Variants in KMT2D observed in about 807,000 individuals in gnomAD.
The protein encoded by KMT2D is lysine methyltransferase 2D.
A neutral mutation model predicts 512.7 loss-of-function variants in KMT2D; 55 were observed. That is an observed-to-expected ratio of 0.11 (90% CI 0.09 to 0.13). The LOEUF (loss-of-function observed/expected upper bound fraction) is 0.13. Ranked by LOEUF, KMT2D falls within the 10% of genes least tolerant of loss-of-function variation. The pLI is 1.00. For missense variants in KMT2D, 6,061 were observed against 7,127.9 expected (o/e 0.85, Z 5.39); for synonymous variants, 2,995 against 2,904.0 (o/e 1.03, Z -1.01).
Position 49,032,381 on chromosome 12 carries a change from G to A in KMT2D, c.12324C>T (p.Leu4108=). Residue 4108 remains leucine (L), a synonymous_variant, in exon 40 of 55, where the codon CTC becomes CTT. Transcript: ENST00000301067. The part of the protein sequence containing the change: ...PGQQQQQVSL[L]HTAGGGSHGQ... ...CATGGCTTCCTCCACCTGCTGTGTG[G>A]AGCAGGCTAACTTGCTGCTGCTGTT... The A allele has an allele frequency of 1.2e-6, 2 of 1,610,092 alleles. No homozygotes were observed. Among genetic ancestry groups the A allele is most frequent in the Non-Finnish European group, 1.7e-6 (2 of 1,178,144 alleles).
Position 49,033,033 on chromosome 12 carries a change from G to A in KMT2D, c.11672C>T (p.Ala3891Val). 1.9e-6 allele frequency: 3 copies of A among 1,551,292 alleles called. No homozygotes were observed. In the South Asian group the frequency reaches 3.6e-5, roughly 18 times the overall value. ...MSHSGQPKLS[A>V]QPMGSLQQLQ... ...CTGCTGTAAAGAGCCCATGGGCTGA[G>A]CGCTCAGTTTGGGCTGCCCACTGTG... Residue 3891 changes from alanine (A) to valine (V), a missense_variant, in exon 40 of 55, where the codon GCT becomes GTT. Ala to Val is a moderately conservative substitution (Grantham distance 64). Coordinates refer to ENST00000301067, the MANE Select transcript of KMT2D (RefSeq NM_003482.4).
rs2120536011 is a variant in KMT2D, at chr12:49,040,831, G to C, written c.6939C>G (p.Gly2313=). 1 of 1,613,798 alleles carries C rather than the reference G, an allele frequency of 6.2e-7. No individual in the cohort carries two copies. Among genetic ancestry groups the C allele is most frequent in the Non-Finnish European group, 8.5e-7 (1 of 1,179,754 alleles). The change falls in exon 32 of 55, where the codon GGC becomes GGG. Residue 2313 remains glycine (G), a synonymous_variant. Transcript: ENST00000301067. ...NLGFVDSPSS[G]THLGGLELKT... ...TTAACTCCAGGCCACCCAGGTGGGT[G>C]CCTGAGGAGGGTGAGTCAACAAAGC...
At chr12:49,045,050 G>T in intron 19 of KMT2D, 85 bp from the exon 20 acceptor site, 1 of 1,315,410 alleles carries the variant, frequency 7.6e-7, no homozygotes, top group Non-Finnish European at 1.1e-6. Flanking sequence ...GTCCTTAGCT[G>T]AGACAAAGGC....
chr12:49,034,673 TCCA>T lies in KMT2D; in HGVS notation c.10356-10_10356-8del, dbSNP rs1565781775. ...TAGCAGAGACACTTGCTGTCTGGAG[TCCA>T]CCAAAGCACAGAAGATAAGTGTTGG... On this transcript the variant is annotated splice_polypyrimidine_tract_variant and splice_region_variant and intron_variant, in intron 36 of 54. Transcript: ENST00000301067. 6.2e-7 allele frequency: 1 copy of T among 1,609,964 alleles called. No homozygotes were observed. Among genetic ancestry groups the T allele is most frequent in the Admixed American group, 1.7e-5 (1 of 59,444 alleles).
chr12:49,021,969 A>C, intron 54 of KMT2D, 74 bp downstream of exon 54: 1 of 1,556,252 alleles, frequency 6.4e-7, no homozygotes, highest in Non-Finnish European at 8.9e-7. Context: ...AGGAATCCAC[A>C]TTTAGGGAAT....
At position 49,033,255 on chromosome 12, in the gene KMT2D, G is replaced by A; in HGVS notation, c.11450C>T (p.Ala3817Val). Residue 3817 changes from alanine to valine, a missense_variant, in exon 40 of 55, where the codon GCT becomes GTT. By Grantham distance (64) the Ala-to-Val change is moderately conservative. Coordinates refer to ENST00000301067, the MANE Select transcript of KMT2D (RefSeq NM_003482.4). ...TCTGTGAGGGCCCTGGGGGCCCAAAGCTCCAGGGTGCTGCTGCTGCAACAC... is the reference window on the plus strand; with the variant it reads ...TCTGTGAGGGCCCTGGGGGCCCAAAACTCCAGGGTGCTGCTGCTGCAACAC... The part of the protein sequence containing the change: ...VAVLQQQHPG[A>V]LGPQGPHRQV... The A allele has an allele frequency of 1.3e-6, 2 of 1,557,432 alleles. No individual in the cohort carries two copies. The highest frequency in any genetic ancestry group is 1.4e-5 in the African/African-American group (1 of 73,474).
In KMT2D at chr12:49,034,801, C is replaced by T. The variant is rs761462762; in HGVS notation, c.10355+11G>A. On this transcript the variant is annotated intron_variant, in intron 36 of 54. Coordinates refer to ENST00000301067, the MANE Select transcript of KMT2D (RefSeq NM_003482.4). Reference sequence around the variant, plus strand: ...GAAAAGGGCCAACCCCATTCCAGCCCTGAGTCTTACCTGTTCATACCAGGT... The same window carrying T: ...GAAAAGGGCCAACCCCATTCCAGCCTTGAGTCTTACCTGTTCATACCAGGT... 2 of 1,612,596 alleles carry T rather than the reference C, an allele frequency of 1.2e-6. No individual in the cohort carries two copies. Among genetic ancestry groups the T allele is most frequent in the Admixed American group, 1.7e-5 (1 of 59,994 alleles).
At position 49,026,950 on chromosome 12, in the gene KMT2D, C is replaced by T. The variant is rs1942625547; in HGVS notation, c.15016G>A (p.Glu5006Lys). 1.2e-6 allele frequency: 2 copies of T among 1,614,028 alleles called. No individual in the cohort carries two copies. The highest frequency in any genetic ancestry group is 1.7e-6 in the Non-Finnish European group (2 of 1,179,908). The change falls in exon 49 of 55, where the codon GAG (glutamate) becomes AAG (lysine). Residue 5006 changes from glutamate to lysine, a missense_variant. Around this residue, in one of 16 missense-constraint regions of KMT2D, gnomAD observed 1,600 missense variants for 1,754.9 expected, o/e 0.91. Transcript: ENST00000301067. The surrounding 1 kb of genome is among the most constrained non-coding windows in gnomAD (Gnocchi z 9.6). Reference protein sequence around the residue: ...IQKGSGRQEDEREVAEFMEQL... With the variant: ...IQKGSGRQEDKREVAEFMEQL... ...TCCATAAACTCTGCCACTTCCCGCT[C>T]ATCCTCCTGCCGCCCACTGCCCTTC...
At chr12:49,031,118 G>GC (rs1366057195) in intron 40 of KMT2D, 57 bp downstream of exon 40, 26 of 1,609,556 alleles carry the variant, frequency 1.6e-5, no homozygotes, top group African/African-American at 1.5e-4. Context: ...CACTCATTCT[G>GC]CCCCCCGCTG....
At position 49,033,451 on chromosome 12, in the gene KMT2D, C is replaced by T. The variant is rs2120442896; in HGVS notation, c.11254G>A (p.Ala3752Thr). Residue 3752 changes from alanine (A) to threonine (T), a missense_variant, in exon 40 of 55, where the codon GCA (alanine) becomes ACA (threonine). Ala to Thr is a moderately conservative substitution (Grantham distance 58, BLOSUM62 0). Around this residue, in one of 16 missense-constraint regions of KMT2D, gnomAD observed 1,600 missense variants for 1,754.9 expected, o/e 0.91. Coordinates refer to ENST00000301067, the MANE Select transcript of KMT2D (RefSeq NM_003482.4). ...QQQQHLLGQV[A>T]IQQQQQQGPG... is the part of the protein sequence containing the mutation. ...CCCTGCTGCTGTTGCTGCTGGATTGCCACCTGTCCTAGAAGGTGCTGCTGC... is the reference window on the plus strand; with the variant it reads ...CCCTGCTGCTGTTGCTGCTGGATTGTCACCTGTCCTAGAAGGTGCTGCTGC... The T allele has an allele frequency of 6.3e-7, 1 of 1,598,086 alleles. No individual in the cohort carries two copies. The highest frequency in any genetic ancestry group is 1.1e-5 in the South Asian group (1 of 89,746).
intron 1 of KMT2D, among the ~76,000 whole-genome samples, chr12:49,057,410 C>CCTCAGCCCTCCCCCGAG (rs1185742655): frequency 6.6e-6 from 1 of 152,214 alleles, no homozygotes; most frequent in Admixed American, 6.5e-5. Context: ...GGGGCAAATT[C>CCTCAGCCCTCCCCCGAG]CTCAGCCCTC....
chr12:49,049,598 G>A (rs931764171), intron 12 of KMT2D, 84 bp downstream of exon 12: 2 of 1,401,984 alleles, frequency 1.4e-6, no homozygotes, highest in East Asian at 2.4e-5. Flanking sequence ...CACAAAGCAA[G>A]GTGGGAAAGT....
Position 49,039,667 on chromosome 12 carries a change from G to A in KMT2D, c.8047-50C>T, listed in dbSNP as rs768336869. On this transcript the variant is annotated intron_variant, in intron 32 of 54. Coordinates refer to ENST00000301067, the MANE Select transcript of KMT2D (RefSeq NM_003482.4). This position sits in a 1 kb window ranked among gnomAD's most constrained non-coding sequence, Gnocchi z 5.0. ...ATAAGCCCATTCTACTCCAATCATA[G>A]GGCTGCCCCAGAGACAGGAGCGATA... 5.0e-6 allele frequency: 8 copies of A among 1,602,558 alleles called. No homozygotes were observed. In the South Asian group the frequency reaches 5.5e-5, roughly 11 times the overall value.
In KMT2D at chr12:49,039,573, G is replaced by A. The variant is rs116686402; in HGVS notation, c.8091C>T (p.Arg2697=). Residue 2697 remains arginine, a synonymous_variant, in exon 33 of 55, where the codon CGC becomes CGT. Transcript: ENST00000301067. The surrounding 1 kb of genome is among the most constrained non-coding windows in gnomAD (Gnocchi z 5.0). The stretch of plus-strand genomic sequence containing the variant: ...TTTCCTTCTCCTGCCGCAGGGTGTT[G>A]CGCTGGATCTGCTGCCGAATCAGCA... The part of the protein sequence containing the change: ...RELLIRQQIQ[R]NTLRQEKETA... The A allele has an allele frequency of 3.7e-3, 5,927 of 1,611,484 alleles. 153 individuals are homozygous for A. The African/African-American group carries it at 0.064, about 17-fold the overall frequency.
rs1447372379 is a variant in KMT2D at position 49,054,930 on chromosome 12, G to C, written c.146C>G (p.Pro49Arg). The C allele has an allele frequency of 6.2e-7, 1 of 1,613,952 alleles. No individual in the cohort carries two copies. ...GEVSVLSSGSPRLQETPQDCS... is the reference protein window; with the variant it reads ...GEVSVLSSGSRRLQETPQDCS... ...GTCCTGAGGAGTCTCCTGAAGCCTG[G>C]GACTCCCAGAACTAAGGACAGAGAC... The change falls in exon 3 of 55, where the codon CCC becomes CGC. Residue 49 changes from proline (P) to arginine (R), a missense_variant. Physicochemically the swap from Pro to Arg is moderately radical, Grantham distance 103. This residue lies in a region of KMT2D where 144 missense variants were observed against 165.7 expected (regional missense o/e 0.87). Coordinates refer to ENST00000301067, the MANE Select transcript of KMT2D (RefSeq NM_003482.4). The surrounding 1 kb of genome is among the most constrained non-coding windows in gnomAD (Gnocchi z 6.4).
rs1186252479 is a variant in KMT2D, at chr12:49,052,101, G to A, written c.1582C>T (p.Pro528Ser). Residue 528 changes from proline to serine, a missense_variant, in exon 11 of 55, where the codon CCA becomes TCA. Physicochemically the swap from Pro to Ser is moderately conservative, Grantham distance 74 (BLOSUM62 -1). Around this residue, in one of 16 missense-constraint regions of KMT2D, gnomAD observed 848 missense variants for 838.5 expected, o/e 1.01. Coordinates refer to ENST00000301067, the MANE Select transcript of KMT2D (RefSeq NM_003482.4). ...SPLSPPEESP[P>S]SPALETPLSP... ...AGAGGCGTCTCAAGTGCAGGAGATGGGGGTGACTCTTCCGGTGGAGACAAG... is the reference window on the plus strand; with the variant it reads ...AGAGGCGTCTCAAGTGCAGGAGATGAGGGTGACTCTTCCGGTGGAGACAAG... The A allele has an allele frequency of 6.2e-7, 1 of 1,612,710 alleles. No homozygotes were observed. The highest frequency in any genetic ancestry group is 8.5e-7 in the Non-Finnish European group (1 of 1,179,490).
rs1169391944 is a variant in KMT2D at position 49,050,155 on chromosome 12, C to T, written c.3433G>A (p.Ala1145Thr). 2 of 1,613,490 alleles carry T rather than the reference C, an allele frequency of 1.2e-6. No individual in the cohort carries two copies. The highest frequency in any genetic ancestry group is 1.3e-5 in the African/African-American group (1 of 74,902). ...ACAGGGGAGCCTTTAAGTTCACTAG[C>T]CAAACTGCCAGGGGTCTGTCCAGGC... ...PEPGQTPGSL[A>T]SELKGSPVLL... The change falls in exon 12 of 55, where the codon GCT (alanine) becomes ACT (threonine). Residue 1145 changes from alanine to threonine, a missense_variant. This residue lies in a region of KMT2D where 447 missense variants were observed against 500.1 expected (regional missense o/e 0.89). Coordinates refer to ENST00000301067, the MANE Select transcript of KMT2D (RefSeq NM_003482.4).
chr12:49,029,085 G>T lies in KMT2D; in HGVS notation c.14227C>A (p.Leu4743Ile). 6.2e-7 allele frequency: 1 copy of T among 1,605,894 alleles called. No homozygotes were observed. The highest frequency in any genetic ancestry group is 8.5e-7 in the Non-Finnish European group (1 of 1,173,610). Residue 4743 changes from leucine to isoleucine, a missense_variant, in exon 45 of 55, where the codon CTC (leucine) becomes ATC (isoleucine). Coordinates refer to ENST00000301067, the MANE Select transcript of KMT2D (RefSeq NM_003482.4). The stretch of plus-strand genomic sequence containing the variant: ...CCTGGGATGCTGGCCCGAGGAATGA[G>T]GGGGATGACAGGGGAGAGGGCCCGG... ...EDRALSPVIP[L>I]IPRASIPVFP...
chr12:49,054,814 C>G lies in KMT2D; in HGVS notation c.177-63G>C, dbSNP rs1281843442. 8.7e-6 allele frequency: 14 copies of G among 1,604,788 alleles called. No individual in the cohort carries two copies. The highest frequency in any genetic ancestry group is 1.1e-5 in the Non-Finnish European group (13 of 1,172,806). On this transcript the variant is annotated intron_variant, in intron 3 of 54. Coordinates refer to ENST00000301067, the MANE Select transcript of KMT2D (RefSeq NM_003482.4). The surrounding 1 kb of genome is among the most constrained non-coding windows in gnomAD (Gnocchi z 6.4). Reference sequence around the variant, plus strand: ...CAGCAACCCCATGATCTGGCATGCCCATGCTTCCCCAACACTCATTTTCCT... The same window carrying G: ...CAGCAACCCCATGATCTGGCATGCCGATGCTTCCCCAACACTCATTTTCCT...
Sources: allele counts gnomAD v4.1 joint callset (sites outside exome capture counted in the v4.1 genomes callset), GRCh38; gene constraint gnomAD v4.1.1; regional missense constraint gnomAD v4.1.1; non-coding constraint Gnocchi (gnomAD v3.1); transcripts MANE v1.5; gene names NCBI Gene and HGNC (gene_info 2026-07-23, HGNC 2026-07-21).